ASAP1: variants seen among roughly 807,000 people sequenced by gnomAD.
ASAP1 encodes the protein arf-GAP with SH3 domain, ANK repeat and PH domain-containing protein 1.
ASAP1 carries 43 observed loss-of-function variants against 145.2 expected under a neutral mutation model. The observed-to-expected ratio is 0.30, with a 90% CI of 0.23 to 0.38. The LOEUF is 0.38. Ranked by LOEUF, ASAP1 falls within the 10% of genes least tolerant of loss-of-function variation. The pLI is 1.00. For missense variants in ASAP1, 1,018 were observed against 1,355.3 expected (o/e 0.75, Z 3.91); for synonymous variants, 546 against 515.5 (o/e 1.06, Z -0.80).
At chr8:130,260,927 A>G (rs1819859833) in intron 3 of ASAP1, among the ~76,000 whole-genome samples, 1 of 152,190 alleles carries the variant, frequency 6.6e-6, no homozygotes, top group Non-Finnish European at 1.5e-5. Flanking sequence ...TCCCCCCCTC[A>G]AGATAAAACA....
At chr8:130,310,154 GTGAGGGGA>G (rs1823251584) in intron 3 of ASAP1, among the ~76,000 whole-genome samples, 1 of 125,174 alleles carries the variant, frequency 8.0e-6, no homozygotes, top group African/African-American at 2.9e-5. Context: ...GGGGAGGGGG[GTGAGGGGA>G]GGGGAGGAGA....
chr8:130,329,182 C>G (rs1208237536), intron 3 of ASAP1, among the ~76,000 whole-genome samples: 2 of 152,144 alleles, frequency 1.3e-5, no homozygotes, highest in Non-Finnish European at 2.9e-5. Context: ...CTGCTGCTGC[C>G]TCATCTCTGA....
At chr8:130,116,814 T>C (rs1564977910) in intron 21 of ASAP1, 66 bp downstream of exon 21, 10 of 1,580,832 alleles carry the variant, frequency 6.3e-6, no homozygotes, top group South Asian at 1.1e-5. Context: ...GGAACAATAA[T>C]CAAATTACAA....
intron 3 of ASAP1, among the ~76,000 whole-genome samples, chr8:130,295,607 G>A (rs1224506187): frequency 6.6e-6 from 1 of 152,174 alleles, no homozygotes; most frequent in Non-Finnish European, 1.5e-5. Flanking sequence ...TTAATTACAT[G>A]TGACTGATGC....
At chr8:130,355,341 T>C (rs2138101671) in intron 3 of ASAP1, among the ~76,000 whole-genome samples, 1 of 152,326 alleles carries the variant, frequency 6.6e-6, no homozygotes, top group South Asian at 2.1e-4. Flanking sequence ...TCTAACAGTT[T>C]TTCAGTTGCG....
At chr8:130,073,198 T>A (rs1394817755) in intron 27 of ASAP1, among the ~76,000 whole-genome samples, 1 of 151,750 alleles carries the variant, frequency 6.6e-6, no homozygotes, top group Non-Finnish European at 1.5e-5. Context: ...AAGACCAGCC[T>A]GACCAACACG....
chr8:130,274,045 T>G (rs773256842), intron 3 of ASAP1, among the ~76,000 whole-genome samples: 14 of 152,182 alleles, frequency 9.2e-5, no homozygotes, highest in Non-Finnish European at 1.6e-4. Context: ...GATTCTCAGT[T>G]TCCCCATCTC....
At chr8:130,346,984 G>GT (rs1825736984) in intron 3 of ASAP1, among the ~76,000 whole-genome samples, 1 of 152,152 alleles carries the variant, frequency 6.6e-6, no homozygotes, top group Non-Finnish European at 1.5e-5. Flanking sequence ...ATTTTATTTC[G>GT]TATGTAACTG....
intron 3 of ASAP1, among the ~76,000 whole-genome samples, chr8:130,283,587 G>GAAAA (rs71304303): frequency 4.8e-4 from 10 of 20,870 alleles, no homozygotes; most frequent in Admixed American, 1.3e-3. Flanking sequence ...ATCACAGAAA[G>GAAAA]AAAAAAAAAA....
chr8:130,204,386 G>A (rs557197751), intron 5 of ASAP1, among the ~76,000 whole-genome samples: 26 of 152,302 alleles, frequency 1.7e-4, no homozygotes, highest in Non-Finnish European at 1.0e-4. Flanking sequence ...GGGTTTGAAT[G>A]CTGAATCTGA....
chr8:130,417,405 C>A (rs1185232750), intron 1 of ASAP1, among the ~76,000 whole-genome samples: 2 of 152,232 alleles, frequency 1.3e-5, no homozygotes, highest in Non-Finnish European at 2.9e-5. Context: ...ACTTCATGTG[C>A]TGGGTCGGGA....
At chr8:130,193,114 A>C (rs1815251894) in intron 5 of ASAP1, among the ~76,000 whole-genome samples, 1 of 152,230 alleles carries the variant, frequency 6.6e-6, no homozygotes, top group East Asian at 1.9e-4. Flanking sequence ...CACACCTCCA[A>C]TCCCAGCATT....
At chr8:130,064,614 G>C (rs1176726420) in intron 27 of ASAP1, among the ~76,000 whole-genome samples, 4 of 152,034 alleles carry the variant, frequency 2.6e-5, no homozygotes, top group Non-Finnish European at 4.4e-5. Flanking sequence ...CAAATGTGTG[G>C]GGGTCTCACC....
chr8:130,132,083 G>A (rs2097584055), intron 15 of ASAP1, among the ~76,000 whole-genome samples: 1 of 152,188 alleles, frequency 6.6e-6, no homozygotes. Context: ...AATGAAATCG[G>A]AGAAGGAGAA....
chr8:130,095,682 A>C (rs953715792), intron 24 of ASAP1, among the ~76,000 whole-genome samples: 2 of 149,252 alleles, frequency 1.3e-5, no homozygotes, highest in East Asian at 2.0e-4. Context: ...GCAGTGGTGT[A>C]ATCTCGGCTC....
intron 3 of ASAP1, among the ~76,000 whole-genome samples, chr8:130,241,235 C>T (rs1329791687): frequency 6.6e-6 from 1 of 152,094 alleles, no homozygotes; most frequent in Non-Finnish European, 1.5e-5. Context: ...CCCACAAAAG[C>T]CTTCTAAGGA....
Position 130,153,359 on chromosome 8 carries a change from GTA to G in ASAP1, c.1011-556_1011-555del, listed in dbSNP as rs1208128915. Among the ~76,000 whole-genome samples the G allele has an allele frequency of 1.5e-3, 43 of 28,888 alleles. 1 individual carries two copies. The South Asian group carries it at 0.021, about 14-fold the overall frequency. The allele number at this position is 28,888 out of a possible 152,430, so 19.0% of individuals were successfully genotyped here. A position where few individuals can be genotyped will look rare whatever the true frequency, so the allele number is the denominator to read the frequency against. ...TATATATATATATATATATATATAT[GTA>G]TATATATATATATATATATATATTT... On this transcript the variant is annotated intron_variant, in intron 12 of 29. Coordinates refer to ENST00000518721, the MANE Select transcript of ASAP1 (RefSeq NM_018482.4).
chr8:130,217,980 G>A (rs1483334443), intron 4 of ASAP1, among the ~76,000 whole-genome samples: 1 of 152,106 alleles, frequency 6.6e-6, no homozygotes, highest in Non-Finnish European at 1.5e-5. Context: ...AATTCATGGT[G>A]CCTGCAGTGG....
At chr8:130,215,425 C>T (rs1334670317) in intron 4 of ASAP1, among the ~76,000 whole-genome samples, 1 of 151,948 alleles carries the variant, frequency 6.6e-6, no homozygotes, top group Non-Finnish European at 1.5e-5. Flanking sequence ...TGGCGAGACC[C>T]CGTCTCTACA....
Sources: allele counts gnomAD v4.1 joint callset (sites outside exome capture counted in the v4.1 genomes callset), GRCh38; gene constraint gnomAD v4.1.1; transcripts MANE v1.5; gene names NCBI Gene and HGNC (gene_info 2026-07-23, HGNC 2026-07-21).